SSTR5: variants seen among roughly 807,000 people sequenced by gnomAD.
SSTR5 encodes somatostatin receptor 5.
SSTR5 carries 1 observed loss-of-function variant against 0.3 expected under a neutral mutation model. The ratio of observed to expected loss-of-function variants is 2.98; its 90% CI spans 1.06 to 14.15. The LOEUF (loss-of-function observed/expected upper bound fraction) is 14.15. Among genes scored for constraint, SSTR5 ranks in the 30% most tolerant of loss-of-function variants. SSTR5 has a pLI of 0.12. For missense variants in SSTR5, 516 were observed against 543.2 expected, an observed-to-expected ratio of 0.95 and a Z score of 0.50; for synonymous variants, 256 against 263.1, an observed-to-expected ratio of 0.97 and a Z score of 0.26.
chr16:1,072,992 GCT>G (rs1169605183), intron 1 of SSTR5, 170 bp downstream of exon 1: 1 of 152,306 alleles, frequency 6.6e-6, no homozygotes, highest in East Asian at 1.9e-4. Flanking sequence ...CACCCGCGGG[GCT>G]CTCCTGCCGC....
chr16:1,074,790 AGGGATGGATGCTGCT>A (rs1188005770), intron 1 of SSTR5, among the ~76,000 whole-genome samples: 3 of 152,108 alleles, frequency 2.0e-5, no homozygotes, highest in African/African-American at 7.2e-5. Context: ...AGGAGATGGG[AGGGATGGATGCTGCT>A]GGGAGTGGAT....
chr16:1,079,488 T>C lies in SSTR5; in HGVS notation c.620T>C (p.Val207Ala). ...GCCGTCTTCATCATCTACACGGCCG[T>C]GCTGGGCTTCTTCGCGCCGCTGCTG... ...WGAVFIIYTA[V>A]LGFFAPLLVI... Residue 207 changes from valine (V) to alanine (A), a missense_variant, in exon 2 of 2, where the codon GTG becomes GCG. Physicochemically the swap from Val to Ala is moderately conservative, Grantham distance 64. Coordinates refer to ENST00000689027, the MANE Select transcript of SSTR5 (RefSeq NM_001172560.3). The C allele has an allele frequency of 6.2e-7, 1 of 1,611,536 alleles. No individual in the cohort carries two copies. The highest frequency in any genetic ancestry group is 8.5e-7 in the Non-Finnish European group (1 of 1,179,284).
chr16:1,079,914 C>T lies in SSTR5; in HGVS notation c.1046C>T (p.Pro349Leu). 1.2e-6 allele frequency: 2 copies of T among 1,606,052 alleles called. No homozygotes were observed. The highest frequency in any genetic ancestry group is 1.7e-6 in the Non-Finnish European group (2 of 1,177,102). Reference sequence around the variant, plus strand: ...CGGCAGCAGCAGGAGGCCACGCCACCCGCGCACCGCGCCGCAGCCAACGGG... The same window carrying T: ...CGGCAGCAGCAGGAGGCCACGCCACTCGCGCACCGCGCCGCAGCCAACGGG... ...RIRQQQEATP[P>L]AHRAAANGLM... The change falls in exon 2 of 2, where the codon CCC becomes CTC. Residue 349 changes from proline (P) to leucine (L), a missense_variant. Pro to Leu is a moderately conservative substitution (Grantham distance 98). Coordinates refer to ENST00000689027, the MANE Select transcript of SSTR5 (RefSeq NM_001172560.3).
rs1304811711 is a variant in SSTR5, at chr16:1,080,358, A to G, written c.*395A>G. On this transcript the variant is annotated 3_prime_UTR_variant, in exon 2 of 2. Transcript: ENST00000689027. ...ACGGCGGAGCTGACCTGCCCGGCCC[A>G]CCAGCTGCATGTCAGCTCCGAGCCA... is the stretch of plus-strand genomic sequence containing the variant. Among the ~76,000 whole-genome samples, 1 of 152,192 alleles carries G rather than the reference A, an allele frequency of 6.6e-6. No individual in the cohort carries two copies.
chr16:1,080,337 C>T lies in SSTR5; in HGVS notation c.*374C>T, dbSNP rs757631148. ...CCAGGCGAGAGGGTCTTCCTGACGG[C>T]GGAGCTGACCTGCCCGGCCCACCAG... On this transcript the variant is annotated 3_prime_UTR_variant, in exon 2 of 2. Coordinates refer to ENST00000689027, the MANE Select transcript of SSTR5 (RefSeq NM_001172560.3). Among the ~76,000 whole-genome samples, 7 of 152,220 alleles carry T rather than the reference C, an allele frequency of 4.6e-5. No homozygotes were observed. Among genetic ancestry groups the T allele is most frequent in the Admixed American group, 1.3e-4 (2 of 15,284 alleles).
intron 1 of SSTR5, chr16:1,078,549 C>T (rs920072966): frequency 6.6e-6 from 3 of 453,716 alleles, no homozygotes; most frequent in Non-Finnish European, 1.2e-5. Flanking sequence ...ATGCTGCGGC[C>T]AGGCCAGGCG....
chr16:1,072,787 T>G lies in SSTR5; in HGVS notation c.-63T>G. On this transcript the variant is annotated 5_prime_UTR_variant, in exon 1 of 2. Coordinates refer to ENST00000689027, the MANE Select transcript of SSTR5 (RefSeq NM_001172560.3). ...GCCCGGAGCCAGTGCCGCGCGGACA[T>G]CGGGGCTCCCCCGTTCAGAGGGCGC... Among the ~76,000 whole-genome samples the G allele has an allele frequency of 1.4e-5, 2 of 137,984 alleles. No homozygotes were observed. The highest frequency in any genetic ancestry group is 1.5e-5 in the Non-Finnish European group (1 of 64,876). 90.5% of individuals were successfully genotyped at this position (137,984 alleles called of 152,430 possible). A position where few individuals can be genotyped will look rare whatever the true frequency, so the allele number is the denominator to read the frequency against.
In SSTR5 at chr16:1,080,278, T is replaced by G; in HGVS notation, c.*315T>G. ...CATCTGGCCCCAGCCCATGCCGGCC[T>G]TCCCTCTGGGGAGCGACTTTTCCAG... On this transcript the variant is annotated 3_prime_UTR_variant, in exon 2 of 2. Coordinates refer to ENST00000689027, the MANE Select transcript of SSTR5 (RefSeq NM_001172560.3). 2.7e-6 allele frequency: 1 copy of G among 371,370 alleles called. No individual in the cohort carries two copies. Among genetic ancestry groups the G allele is most frequent in the Non-Finnish European group, 5.0e-6 (1 of 199,166 alleles). 23.0% of individuals were successfully genotyped at this position (371,370 alleles called of 1,614,324 possible).
At chr16:1,075,778 C>T (rs1032619165) in intron 1 of SSTR5, among the ~76,000 whole-genome samples, 24 of 151,722 alleles carry the variant, frequency 1.6e-4, no homozygotes, top group African/African-American at 5.3e-4. Flanking sequence ...CAGAGGGAGC[C>T]GCAAACATGG....
rs910862706 is a variant in SSTR5, at chr16:1,079,320, G to A, written c.452G>A (p.Arg151His). Reference sequence around the variant, plus strand: ...CACCCGCTGAGCTCGGCCCGCTGGCGCCGCCCGCGTGTGGCCAAGCTGGCG... The same window carrying A: ...CACCCGCTGAGCTCGGCCCGCTGGCACCGCCCGCGTGTGGCCAAGCTGGCG... ...VVHPLSSARWRRPRVAKLASA... is the reference protein window; with the variant it reads ...VVHPLSSARWHRPRVAKLASA... Residue 151 changes from arginine (R) to histidine (H), a missense_variant, in exon 2 of 2, where the codon CGC becomes CAC. Coordinates refer to ENST00000689027, the MANE Select transcript of SSTR5 (RefSeq NM_001172560.3). 9.9e-6 allele frequency: 16 copies of A among 1,608,132 alleles called. No individual in the cohort carries two copies. The highest frequency in any genetic ancestry group is 4.0e-5 in the African/African-American group (3 of 74,846).
chr16:1,076,158 CCTCCTCTCTCTCTCCCCCTACCCT>C, intron 1 of SSTR5, among the ~76,000 whole-genome samples: 1 of 48,338 alleles, frequency 2.1e-5, no homozygotes, highest in African/African-American at 1.0e-4. Context: ...TCTCCCTCTC[CCTCCTCTCTCTCTCCCCCTACCCT>C]GTTTTCTCTC....
intron 1 of SSTR5, chr16:1,073,660 C>G (rs1013423958): frequency 6.6e-6 from 1 of 152,364 alleles, no homozygotes; most frequent in Non-Finnish European, 1.5e-5. Flanking sequence ...CAGACCCACC[C>G]ACGTGCCCGA....
At chr16:1,078,374 C>G in intron 1 of SSTR5, 1 of 167,426 alleles carries the variant, frequency 6.0e-6, no homozygotes, top group Non-Finnish European at 1.3e-5. Flanking sequence ...GGACAGGGGG[C>G]CGACCACCGG....
At chr16:1,075,981 CTCCT>C (rs1960190482) in intron 1 of SSTR5, among the ~76,000 whole-genome samples, 1 of 1,082 alleles carries the variant, frequency 9.2e-4, no homozygotes, top group African/African-American at 4.7e-3. Context: ...CTCCCTCCCC[CTCCT>C]CCCCCTCCCT....
chr16:1,075,915 C>A (rs1479370049), intron 1 of SSTR5, among the ~76,000 whole-genome samples: 1 of 73,776 alleles, frequency 1.4e-5, no homozygotes, highest in Non-Finnish European at 2.8e-5. Context: ...ACTCTCTCTC[C>A]CTCCCTCTCT....
At position 1,079,049 on chromosome 16, in the gene SSTR5, G is replaced by A; in HGVS notation, c.181G>A (p.Val61Ile). The change falls in exon 2 of 2, where the codon GTC becomes ATC. Residue 61 changes from valine (V) to isoleucine (I), a missense_variant. Physicochemically the swap from Val to Ile is conservative, Grantham distance 29. Coordinates refer to ENST00000689027, the MANE Select transcript of SSTR5 (RefSeq NM_001172560.3). Reference protein sequence around the residue: ...CAAGLGGNTLVIYVVLRFAKM... With the variant: ...CAAGLGGNTLIIYVVLRFAKM... ...GGCCGGGCTGGGCGGGAACACGCTG[G>A]TCATCTACGTGGTGCTGCGCTTCGC... 1 of 1,611,956 alleles carries A rather than the reference G, an allele frequency of 6.2e-7. No individual in the cohort carries two copies. The highest frequency in any genetic ancestry group is 2.2e-5 in the East Asian group (1 of 44,822).
chr16:1,079,313 C>T lies in SSTR5; in HGVS notation c.445C>T (p.Arg149Cys), dbSNP rs756590942. The T allele has an allele frequency of 2.2e-5, 35 of 1,609,048 alleles. No homozygotes were observed. Among genetic ancestry groups the T allele is most frequent in the East Asian group, 6.7e-5 (3 of 44,770 alleles). The change falls in exon 2 of 2, where the codon CGC becomes TGC. Residue 149 changes from arginine (R) to cysteine (C), a missense_variant. Transcript: ENST00000689027. ...LAVVHPLSSARWRRPRVAKLA... is the reference protein window; with the variant it reads ...LAVVHPLSSACWRRPRVAKLA... ...AGTGGTGCACCCGCTGAGCTCGGCC[C>T]GCTGGCGCCGCCCGCGTGTGGCCAA...
rs764428459 is a variant in SSTR5 at position 1,081,061 on chromosome 16, C to G, written c.*1098C>G. The G allele has an allele frequency of 4.0e-5, 19 of 470,140 alleles. No individual in the cohort carries two copies. Among genetic ancestry groups the G allele is most frequent in the Admixed American group, 4.7e-5 (2 of 42,502 alleles). The allele number at this position is 470,140 out of a possible 1,614,324, so 29.1% of individuals were successfully genotyped here. Reference sequence around the variant, plus strand: ...GACGCAAATGGCAGGCCCTGGGAATCCCGCCGCCTCCCACCTAGAATTGTC... The same window carrying G: ...GACGCAAATGGCAGGCCCTGGGAATGCCGCCGCCTCCCACCTAGAATTGTC... On this transcript the variant is annotated 3_prime_UTR_variant, in exon 2 of 2. Coordinates refer to ENST00000689027, the MANE Select transcript of SSTR5 (RefSeq NM_001172560.3).
At chr16:1,078,514 G>A (rs965684861) in intron 1 of SSTR5, 14 of 362,718 alleles carry the variant, frequency 3.9e-5, no homozygotes, top group Admixed American at 2.1e-4. Context: ...TCAGGGAGAC[G>A]CAGGTGCTGG....
Sources: gnomAD v4.1 joint callset for allele counts (sites outside exome capture counted in the v4.1 genomes callset) on GRCh38, gnomAD v4.1.1 for gene constraint, MANE v1.5 for transcripts, NCBI Gene and HGNC (gene_info 2026-07-23, HGNC 2026-07-21) for gene names.